NIPBL: variants seen among roughly 807,000 people sequenced by gnomAD.
NIPBL encodes the protein NIPBL cohesin loading factor, also known as nipped-B-like protein.
NIPBL carries 19 observed loss-of-function variants against 321.8 expected under a neutral mutation model. The ratio of observed to expected loss-of-function variants is 0.06; its 90% CI spans 0.04 to 0.09. NIPBL has a LOEUF of 0.09. NIPBL is among the 10% of genes least tolerant of loss of function. The pLI, the probability that NIPBL is intolerant of heterozygous loss-of-function variation, is 1.00. For missense variants in NIPBL, 2,210 were observed against 3,327.0 expected (o/e 0.66, Z 8.26); for synonymous variants, 1,106 against 1,114.1 (o/e 0.99, Z 0.14).
rs578098911 is a variant in NIPBL, at chr5:37,036,363, A to G, written c.5863-16A>G. ...TATATATATGTATATATATATATAT[A>G]TATATGTATATATAGTTGTTGAAGT... On this transcript the variant is annotated splice_polypyrimidine_tract_variant and intron_variant, in intron 32 of 46. Coordinates refer to ENST00000282516, the MANE Select transcript of NIPBL (RefSeq NM_133433.4). 1.4e-5 allele frequency: 8 copies of G among 575,926 alleles called. No individual in the cohort carries two copies. The East Asian group carries it at 1.5e-4, about 11-fold the overall frequency. The allele number at this position is 575,926 out of a possible 1,614,324, so 35.7% of individuals were successfully genotyped here.
At chr5:37,024,482 G>A (rs1750034907) in intron 29 of NIPBL, 103 bp from the exon 30 acceptor site, 3 of 927,742 alleles carry the variant, frequency 3.2e-6, no homozygotes, top group Non-Finnish European at 4.9e-6. Context: ...TGTTTATCAT[G>A]TTAACAAATA....
At chr5:36,968,267 A>T (rs1003486597) in intron 6 of NIPBL, among the ~76,000 whole-genome samples, 1 of 152,010 alleles carries the variant, frequency 6.6e-6, no homozygotes, top group African/African-American at 2.4e-5. Context: ...ATTCAGAAAG[A>T]TTCAACTTCC....
intron 1 of NIPBL, among the ~76,000 whole-genome samples, chr5:36,940,355 G>A (rs1253562921): frequency 6.6e-6 from 1 of 152,114 alleles, no homozygotes; most frequent in Non-Finnish European, 1.5e-5. Flanking sequence ...AAATCAAATT[G>A]AGAGCCCCTT....
intron 33 of NIPBL, 91 bp downstream of exon 33, chr5:37,036,578 T>G (rs1751720342): frequency 2.3e-6 from 1 of 427,852 alleles, no homozygotes; most frequent in African/African-American, 2.1e-5. Flanking sequence ...TGCCTCTGGC[T>G]CTGCTTGTCT....
At position 37,022,010 on chromosome 5, in the gene NIPBL, G is replaced by A. The variant is rs1235440292; in HGVS notation, c.5329-41G>A. On this transcript the variant is annotated intron_variant, in intron 27 of 46. Transcript: ENST00000282516. ...CATGCTATTTTTAATTAAATTTTAT[G>A]TATTCTAAAATTTACAAAAATGTCA... is the stretch of plus-strand genomic sequence containing the variant. 3 of 1,429,416 alleles carry A rather than the reference G, an allele frequency of 2.1e-6. No homozygotes were observed. In the Admixed American group the frequency reaches 5.1e-5, roughly 24 times the overall value. The allele number at this position is 1,429,416 out of a possible 1,614,324, so 88.5% of individuals were successfully genotyped here.
intron 1 of NIPBL, among the ~76,000 whole-genome samples, chr5:36,905,277 A>G (rs1747546097): frequency 6.6e-6 from 1 of 152,204 alleles, no homozygotes; most frequent in South Asian, 2.1e-4. Flanking sequence ...GGATCAGTTC[A>G]TCTCTTCCTA....
At chr5:36,959,398 A>G (rs1261028760) in intron 4 of NIPBL, among the ~76,000 whole-genome samples, 1 of 152,206 alleles carries the variant, frequency 6.6e-6, no homozygotes, top group Admixed American at 6.5e-5. Flanking sequence ...GATTCCTCAA[A>G]ATGCATAATG....
At chr5:36,945,638 T>A (rs903535266) in intron 1 of NIPBL, among the ~76,000 whole-genome samples, 1 of 152,218 alleles carries the variant, frequency 6.6e-6, no homozygotes. Context: ...AAGAGAGTTT[T>A]AGAACTTTGC....
chr5:36,887,457 T>C (rs1168046190), intron 1 of NIPBL, among the ~76,000 whole-genome samples: 2 of 152,166 alleles, frequency 1.3e-5, no homozygotes, highest in African/African-American at 4.8e-5. Context: ...TACTGAAAAT[T>C]GGGGGCAGAT....
chr5:37,038,885 A>G (rs904139342), intron 34 of NIPBL, 147 bp downstream of exon 34: 6 of 895,170 alleles, frequency 6.7e-6, no homozygotes, highest in South Asian at 1.7e-5. Context: ...CAAGTGATCT[A>G]TAAACATCAA....
At chr5:36,917,006 G>T (rs759551472) in intron 1 of NIPBL, among the ~76,000 whole-genome samples, 1 of 152,246 alleles carries the variant, frequency 6.6e-6, no homozygotes, top group Middle Eastern at 3.4e-3. Context: ...AGTCCTTTGG[G>T]TATATACCCA....
intron 1 of NIPBL, among the ~76,000 whole-genome samples, chr5:36,945,005 G>A (rs568902380): frequency 6.6e-6 from 1 of 152,226 alleles, no homozygotes; most frequent in African/African-American, 2.4e-5. Flanking sequence ...GTATGAAACA[G>A]TCTTTTAACA....
At chr5:36,916,780 T>C (rs1748494332) in intron 1 of NIPBL, among the ~76,000 whole-genome samples, 1 of 152,160 alleles carries the variant, frequency 6.6e-6, no homozygotes, top group Non-Finnish European at 1.5e-5. Flanking sequence ...AGTAGTTTGC[T>C]GAGAATGATG....
At position 36,950,437 on chromosome 5, in the gene NIPBL, C is replaced by T. The variant is rs185537259; in HGVS notation, c.-79-3181C>T. Among the ~76,000 whole-genome samples the T allele has an allele frequency of 2.4e-3, 361 of 151,850 alleles. 2 individuals are homozygous for T. The highest frequency in any genetic ancestry group is 3.6e-3 in the Non-Finnish European group (245 of 67,892). ...AGGTGGGCTACTTTCCTCACTCTTCCATTTTTTCAAATCAGCAACTCTCAG... is the reference window on the plus strand; with the variant it reads ...AGGTGGGCTACTTTCCTCACTCTTCTATTTTTTCAAATCAGCAACTCTCAG... On this transcript the variant is annotated intron_variant, in intron 1 of 46. Coordinates refer to ENST00000282516, the MANE Select transcript of NIPBL (RefSeq NM_133433.4).
chr5:37,000,431 C>A lies in NIPBL; in HGVS notation c.3363C>A (p.Asp1121Glu). Reference protein sequence around the residue: ...DDKAWEYEERDRRSSGDHRRS... With the variant: ...DDKAWEYEERERRSSGDHRRS... ...AAGCTTGGGAATATGAAGAGCGTGA[C>A]AGAAGAAGCTCTGGGGATCATAGGA... The change falls in exon 12 of 47, where the codon GAC becomes GAA. Residue 1121 changes from aspartate (D) to glutamate (E), a missense_variant. By Grantham distance (45) the Asp-to-Glu change is conservative. Coordinates refer to ENST00000282516, the MANE Select transcript of NIPBL (RefSeq NM_133433.4). 2 of 1,613,316 alleles carry A rather than the reference C, an allele frequency of 1.2e-6. No individual in the cohort carries two copies. The highest frequency in any genetic ancestry group is 2.2e-5 in the South Asian group (2 of 91,064).
At chr5:36,905,640 T>G (rs182721438) in intron 1 of NIPBL, among the ~76,000 whole-genome samples, 1 of 152,214 alleles carries the variant, frequency 6.6e-6, no homozygotes, top group Non-Finnish European at 1.5e-5. Context: ...TGGTTTAATT[T>G]ATTTTCAATA....
chr5:37,013,017 G>T (rs531672485), intron 21 of NIPBL, among the ~76,000 whole-genome samples: 4 of 151,816 alleles, frequency 2.6e-5, no homozygotes, highest in Non-Finnish European at 5.9e-5. Flanking sequence ...GGGCAGAGGC[G>T]CCCCTCACCT....
intron 10 of NIPBL, among the ~76,000 whole-genome samples, chr5:36,992,357 C>T (rs894263796): frequency 1.3e-5 from 2 of 152,164 alleles, no homozygotes; most frequent in African/African-American, 4.8e-5. Flanking sequence ...CCCTAAAATA[C>T]ATCATCATAT....
chr5:36,929,668 A>T (rs1749632241), intron 1 of NIPBL, among the ~76,000 whole-genome samples: 1 of 152,108 alleles, frequency 6.6e-6, no homozygotes. Flanking sequence ...AAGGTCACAG[A>T]TGTTTTCTCC....
Sources: allele counts gnomAD v4.1 joint callset (sites outside exome capture counted in the v4.1 genomes callset), GRCh38; gene constraint gnomAD v4.1.1; transcripts MANE v1.5; gene names NCBI Gene and HGNC (gene_info 2026-07-23, HGNC 2026-07-21).